Variants in AHCYL2 observed in about 807,000 individuals in gnomAD.
AHCYL2 encodes the protein adenosylhomocysteinase like 2, also known as S-adenosylhomocysteine hydrolase-like protein 2.
A neutral mutation model predicts 81.4 loss-of-function variants in AHCYL2; 28 were observed. That is an observed-to-expected ratio of 0.34 (90% CI 0.25 to 0.47). The LOEUF is 0.47. Among genes scored for constraint, AHCYL2 ranks in the 20% least tolerant of loss-of-function variants. The pLI, the probability that AHCYL2 is intolerant of heterozygous loss-of-function variation, is 1.00. For synonymous variants in AHCYL2, 272 were observed against 290.2 expected (o/e 0.94, Z 0.64); for missense variants, 551 against 785.1 (o/e 0.70, Z 3.56).
intron 1 of AHCYL2, among the ~76,000 whole-genome samples, chr7:129,307,862 A>G (rs1797499251): frequency 6.6e-6 from 1 of 151,720 alleles, no homozygotes; most frequent in Admixed American, 6.6e-5. Flanking sequence ...CTGGCCTAAG[A>G]TATGTCTAGA....
At chr7:129,235,691 T>A (rs1036018587) in intron 1 of AHCYL2, among the ~76,000 whole-genome samples, 2 of 152,154 alleles carry the variant, frequency 1.3e-5, no homozygotes, top group Admixed American at 6.5e-5. Flanking sequence ...CCAAAGTGAG[T>A]TTTATAATAA....
chr7:129,318,162 G>A (rs1012318986), intron 1 of AHCYL2, among the ~76,000 whole-genome samples: 3 of 152,222 alleles, frequency 2.0e-5, no homozygotes, highest in African/African-American at 7.2e-5. Context: ...AGTCTGTATG[G>A]TTAGTATGGA....
chr7:129,227,070 C>G (rs1047828637), intron 1 of AHCYL2, among the ~76,000 whole-genome samples: 1 of 152,120 alleles, frequency 6.6e-6, no homozygotes, highest in Non-Finnish European at 1.5e-5. Context: ...CCTAGTACCC[C>G]CATTACTACC....
At position 129,299,393 on chromosome 7, in the gene AHCYL2, T is replaced by G. The variant is rs1232380549; in HGVS notation, c.363+73954T>G. Among the ~76,000 whole-genome samples, 9 of 89,444 alleles carry G rather than the reference T, an allele frequency of 1.0e-4. No homozygotes were observed. The South Asian group carries it at 1.2e-3, about 12-fold the overall frequency. The allele number at this position is 89,444 out of a possible 152,430, so 58.7% of individuals were successfully genotyped here. A position where few individuals can be genotyped will look rare whatever the true frequency, so the allele number is the denominator to read the frequency against. The stretch of plus-strand genomic sequence containing the variant: ...TGTTTTTTTTTTTTTTTTTTTTTTT[T>G]TTTTTTTTTTTTTTTTTTGAGATGG... On this transcript the variant is annotated intron_variant, in intron 1 of 16. Transcript: ENST00000325006.
chr7:129,332,343 T>G (rs1039365961), intron 1 of AHCYL2, among the ~76,000 whole-genome samples: 1 of 152,196 alleles, frequency 6.6e-6, no homozygotes, highest in Non-Finnish European at 1.5e-5. Context: ...TGGGTGTATT[T>G]CTGAGATATA....
At chr7:129,367,472 A>G (rs1452761251) in intron 1 of AHCYL2, among the ~76,000 whole-genome samples, 1 of 152,012 alleles carries the variant, frequency 6.6e-6, no homozygotes, top group African/African-American at 2.4e-5. Context: ...GCAAGGAGGG[A>G]GTTGGTATGG....
intron 1 of AHCYL2, among the ~76,000 whole-genome samples, chr7:129,236,589 C>T (rs1794652931): frequency 6.6e-6 from 1 of 152,136 alleles, no homozygotes; most frequent in Admixed American, 6.5e-5. Flanking sequence ...GATCTGCCCG[C>T]CTCAGCCTCC....
intron 1 of AHCYL2, among the ~76,000 whole-genome samples, chr7:129,358,390 TCACA>T (rs200562779): frequency 6.6e-6 from 1 of 150,670 alleles, no homozygotes; most frequent in Non-Finnish European, 1.5e-5. Context: ...AGACTCCGTC[TCACA>T]CACACACAAA....
intron 1 of AHCYL2, among the ~76,000 whole-genome samples, chr7:129,249,406 A>G (rs1032672658): frequency 2.6e-5 from 4 of 152,024 alleles, no homozygotes; most frequent in Admixed American, 2.0e-4. Context: ...AACAAAAACT[A>G]TGTATTAAAC....
chr7:129,242,567 A>G (rs1794901093), intron 1 of AHCYL2, among the ~76,000 whole-genome samples: 1 of 152,086 alleles, frequency 6.6e-6, no homozygotes, highest in Admixed American at 6.6e-5. Flanking sequence ...AATACAAAAA[A>G]TTAGCGGGGT....
At chr7:129,342,951 T>C (rs1793237575) in intron 1 of AHCYL2, among the ~76,000 whole-genome samples, 1 of 152,210 alleles carries the variant, frequency 6.6e-6, no homozygotes, top group Non-Finnish European at 1.5e-5. Flanking sequence ...TTACATCTTT[T>C]AATTATGTGA....
At chr7:129,280,432 G>A (rs1796393273) in intron 1 of AHCYL2, among the ~76,000 whole-genome samples, 1 of 152,092 alleles carries the variant, frequency 6.6e-6, no homozygotes. Context: ...GCCTCCCAAA[G>A]TGTTGGGATT....
At chr7:129,414,842 C>G (rs958610437) in intron 12 of AHCYL2, among the ~76,000 whole-genome samples, 1 of 152,160 alleles carries the variant, frequency 6.6e-6, no homozygotes, top group South Asian at 2.1e-4. Context: ...CTGGCTTAAG[C>G]AAAGTATGCT....
intron 1 of AHCYL2, among the ~76,000 whole-genome samples, chr7:129,307,413 G>A (rs566537548): frequency 7.0e-4 from 107 of 152,060 alleles, no homozygotes; most frequent in Non-Finnish European, 1.3e-3. Flanking sequence ...TGAGTACCAG[G>A]GCACCACTGA....
At chr7:129,337,674 C>T (rs895556962) in intron 1 of AHCYL2, among the ~76,000 whole-genome samples, 1 of 152,150 alleles carries the variant, frequency 6.6e-6, no homozygotes, top group Non-Finnish European at 1.5e-5. Context: ...GCTGGGATTA[C>T]AGGTGTGAAC....
intron 1 of AHCYL2, among the ~76,000 whole-genome samples, chr7:129,229,620 T>G (rs1794348770): frequency 6.6e-6 from 1 of 152,158 alleles, no homozygotes; most frequent in Admixed American, 6.6e-5. Context: ...CTCCCAGAGG[T>G]CTTTTAGAAT....
intron 2 of AHCYL2, among the ~76,000 whole-genome samples, chr7:129,383,341 A>G (rs1795052045): frequency 6.6e-6 from 1 of 151,582 alleles, no homozygotes; most frequent in South Asian, 2.1e-4. Flanking sequence ...AATTTTTTAA[A>G]ATTTTTTTGT....
intron 1 of AHCYL2, among the ~76,000 whole-genome samples, chr7:129,269,628 G>T (rs1339500976): frequency 3.3e-5 from 5 of 151,722 alleles, no homozygotes; most frequent in African/African-American, 9.7e-5. Context: ...AGAGATGGGG[G>T]TCTCACTATG....
chr7:129,294,958 A>G (rs976115645), intron 1 of AHCYL2, among the ~76,000 whole-genome samples: 1 of 152,194 alleles, frequency 6.6e-6, no homozygotes, highest in African/African-American at 2.4e-5. Flanking sequence ...ATAAAACTTT[A>G]CCAATGTAAA....
Sources: gnomAD v4.1 joint callset for allele counts (sites outside exome capture counted in the v4.1 genomes callset) on GRCh38, gnomAD v4.1.1 for gene constraint, MANE v1.5 for transcripts, NCBI Gene and HGNC (gene_info 2026-07-23, HGNC 2026-07-21) for gene names.